Variants in GARNL3 observed in about 807,000 individuals in gnomAD.
GARNL3 encodes GTPase-activating Rap/Ran-GAP domain-like protein 3.
A neutral mutation model predicts 125.0 loss-of-function variants in GARNL3; 63 were observed. The ratio of observed to expected loss-of-function variants is 0.50; its 90% CI spans 0.41 to 0.62. The LOEUF is 0.62. GARNL3 is among the 20% of genes least tolerant of loss of function. The pLI is 0.00. For synonymous variants in GARNL3, 439 were observed against 457.5 expected, an observed-to-expected ratio of 0.96 and a Z score of 0.52; for missense variants, 994 against 1,244.0, an observed-to-expected ratio of 0.80 and a Z score of 3.02.
chr9:127,333,573 G>A (rs1278168257), intron 9 of GARNL3, among the ~76,000 whole-genome samples: 1 of 152,130 alleles, frequency 6.6e-6, no homozygotes, highest in Non-Finnish European at 1.5e-5. Context: ...GCCTAATCTG[G>A]GGGATTAAGG....
intron 21 of GARNL3, among the ~76,000 whole-genome samples, chr9:127,360,596 G>A (rs576568858): frequency 6.6e-6 from 1 of 152,230 alleles, no homozygotes; most frequent in Non-Finnish European, 1.5e-5. Context: ...TGTGGGAACA[G>A]GACTAGCTTT....
At chr9:127,337,680 GGA>G (rs1829628339) in intron 11 of GARNL3, among the ~76,000 whole-genome samples, 1 of 152,210 alleles carries the variant, frequency 6.6e-6, no homozygotes, top group Admixed American at 6.5e-5. Flanking sequence ...AAACCCAAAA[GGA>G]GAGAAAGGGA....
chr9:127,307,936 C>G (rs989834269), intron 2 of GARNL3, among the ~76,000 whole-genome samples: 1 of 152,218 alleles, frequency 6.6e-6, no homozygotes, highest in Non-Finnish European at 1.5e-5. Context: ...CTTGGCTGGA[C>G]TCCCCCTATG....
At chr9:127,389,907 T>G (rs1832735090) in intron 26 of GARNL3, among the ~76,000 whole-genome samples, 3 of 117,374 alleles carry the variant, frequency 2.6e-5, no homozygotes, top group East Asian at 2.4e-4. Flanking sequence ...GGTGACAGAG[T>G]GACACCCTGT....
intron 2 of GARNL3, among the ~76,000 whole-genome samples, chr9:127,307,988 A>G (rs1449964181): frequency 6.6e-6 from 1 of 152,180 alleles, no homozygotes; most frequent in Admixed American, 6.5e-5. Flanking sequence ...GGGTCATGCC[A>G]TCGCTGCATG....
At chr9:127,336,735 T>A (rs2131589388) in intron 11 of GARNL3, among the ~76,000 whole-genome samples, 1 of 152,366 alleles carries the variant, frequency 6.6e-6, no homozygotes, top group East Asian at 1.9e-4. Flanking sequence ...CAGCTCATAT[T>A]GCTGGCAAAG....
At chr9:127,337,696 T>C (rs1285087978) in intron 11 of GARNL3, among the ~76,000 whole-genome samples, 1 of 152,228 alleles carries the variant, frequency 6.6e-6, no homozygotes, top group Non-Finnish European at 1.5e-5. Context: ...AAAGGGAAGG[T>C]ATACAGCGGA....
intron 21 of GARNL3, among the ~76,000 whole-genome samples, chr9:127,361,511 C>A (rs1021676186): frequency 2.6e-5 from 4 of 152,192 alleles, no homozygotes; most frequent in African/African-American, 9.7e-5. Context: ...CCCCACCAGG[C>A]CCCTGTCCCA....
intron 3 of GARNL3, among the ~76,000 whole-genome samples, chr9:127,312,989 G>T (rs550431756): frequency 1.1e-3 from 171 of 152,236 alleles, no homozygotes; most frequent in African/African-American, 4.1e-3. Context: ...CAGGCTTGGG[G>T]GATTCAGAGG....
upstream of GARNL3, chr9:127,263,825 A>G (rs2063643676): frequency 3.9e-6 from 5 of 1,295,936 alleles, no homozygotes; most frequent in Non-Finnish European, 3.9e-6. Flanking sequence ...GCAGAATGCC[A>G]TTAGACTCTC....
At chr9:127,261,585 T>C (rs1016242909), upstream of GARNL3, among the ~76,000 whole-genome samples, 1 of 151,350 alleles carries the variant, frequency 6.6e-6, no homozygotes, top group African/African-American at 2.4e-5. Context: ...TAATTTTGTA[T>C]TTTTTTTAGT....
At chr9:127,305,062 A>G (rs2064912901) in intron 2 of GARNL3, among the ~76,000 whole-genome samples, 1 of 152,208 alleles carries the variant, frequency 6.6e-6, no homozygotes, top group Non-Finnish European at 1.5e-5. Flanking sequence ...GTAACGCTCA[A>G]GAGCAGGTAA....
intron 16 of GARNL3, among the ~76,000 whole-genome samples, chr9:127,347,278 C>T (rs532541445): frequency 2.6e-5 from 4 of 152,068 alleles, no homozygotes; most frequent in South Asian, 2.1e-4. Context: ...AAAAATTAGC[C>T]GGGCATGGTG....
At chr9:127,231,044 A>ACATATATG (rs2062998305) in intron 1 of GARNL3, among the ~76,000 whole-genome samples, 8 of 47,534 alleles carry the variant, frequency 1.7e-4, no homozygotes, top group Non-Finnish European at 2.6e-4. Flanking sequence ...ACATATATAT[A>ACATATATG]TATATATTTT....
At position 127,388,991 on chromosome 9, in the gene GARNL3, T is replaced by A. The variant is rs140364142; in HGVS notation, c.2615T>A (p.Val872Asp). The A allele has an allele frequency of 4.3e-4, 697 of 1,613,380 alleles. No individual in the cohort carries two copies. The highest frequency in any genetic ancestry group is 1.1e-3 in the Admixed American group (65 of 60,000). ...SIERPLKSPL[V>D]SKVITPPTPI... ...GAACGACCTCTGAAGTCACCCTTAG[T>A]CTCCAAGGTCATCACCCCACCCACT... The change falls in exon 26 of 28, where the codon GTC (valine) becomes GAC (aspartate). Residue 872 changes from valine (V) to aspartate (D), a missense_variant. By Grantham distance (152) the Val-to-Asp change is radical. Around this residue, in one of 5 missense-constraint regions of GARNL3, gnomAD observed 728 missense variants for 865.7 expected, o/e 0.84. Coordinates refer to ENST00000373387, the MANE Select transcript of GARNL3 (RefSeq NM_032293.5).
At chr9:127,373,792 T>C (rs10987624) in intron 22 of GARNL3, among the ~76,000 whole-genome samples, 1 of 151,946 alleles carries the variant, frequency 6.6e-6, no homozygotes, top group South Asian at 2.1e-4. Context: ...GGGAGGTTGA[T>C]GTGGGCAGAT....
At chr9:127,309,707 C>A (rs2065044982) in intron 2 of GARNL3, among the ~76,000 whole-genome samples, 1 of 151,788 alleles carries the variant, frequency 6.6e-6, no homozygotes, top group Admixed American at 6.6e-5. Flanking sequence ...ACTGTGATTC[C>A]CCCCATTTAA....
At chr9:127,371,237 C>T (rs893971940) in intron 22 of GARNL3, among the ~76,000 whole-genome samples, 2 of 152,184 alleles carry the variant, frequency 1.3e-5, no homozygotes, top group Non-Finnish European at 2.9e-5. Flanking sequence ...TGGACTTTGG[C>T]TCCGTCTTAG....
intron 1 of GARNL3, among the ~76,000 whole-genome samples, chr9:127,272,494 T>A (rs1248367187): frequency 7.0e-6 from 1 of 143,030 alleles, no homozygotes; most frequent in Non-Finnish European, 1.5e-5. Context: ...CAACTCTTTT[T>A]TTTTTTTGAG....
Sources: gnomAD v4.1 joint callset for allele counts (sites outside exome capture counted in the v4.1 genomes callset) on GRCh38, gnomAD v4.1.1 for gene constraint, gnomAD v4.1.1 regional missense constraint, MANE v1.5 for transcripts, NCBI Gene and HGNC (gene_info 2026-07-23, HGNC 2026-07-21) for gene names.